The following RXFP1 variants were observed in gnomAD, a reference collection of about 807,000 sequenced individuals.
RXFP1 encodes the protein relaxin receptor 1.
RXFP1 carries 73 observed loss-of-function variants against 89.8 expected under a neutral mutation model. The ratio of observed to expected loss-of-function variants is 0.81; its 90% confidence interval spans 0.67 to 0.99. The LOEUF is 0.99. RXFP1 is among the 50% of genes least tolerant of loss of function. RXFP1 has a pLI of 0.00. For missense variants in RXFP1, 793 were observed against 895.5 expected, an observed-to-expected ratio of 0.89 and a Z score of 1.46; for synonymous variants, 277 against 305.5, an observed-to-expected ratio of 0.91 and a Z score of 0.97.
chr4:158,607,999 C>A lies in RXFP1; in HGVS notation c.492C>A (p.Ser164=). 6.2e-7 allele frequency: 1 copy of A among 1,607,846 alleles called. No individual in the cohort carries two copies. The highest frequency in any genetic ancestry group is 8.5e-7 in the Non-Finnish European group (1 of 1,175,602). Residue 164 remains serine, a synonymous_variant, in exon 6 of 18, where the codon TCC becomes TCA. Transcript: ENST00000307765. The part of the protein sequence containing the change: ...KLYLQNNKIT[S]ISIYAFRGLN... ...ACCTGCAAAACAATAAGATTACATC[C>A]ATCTCCATCTATGCTTTCAGAGGAC...
intron 1 of RXFP1, among the ~76,000 whole-genome samples, chr4:158,533,629 A>ACC (rs1432733960): frequency 1.3e-5 from 2 of 152,156 alleles, no homozygotes; most frequent in Admixed American, 1.3e-4. Context: ...GGGTTAGTCT[A>ACC]TCTTCATTTG....
intron 1 of RXFP1, among the ~76,000 whole-genome samples, chr4:158,524,330 C>T (rs779015958): frequency 6.6e-6 from 1 of 152,142 alleles, no homozygotes; most frequent in Non-Finnish European, 1.5e-5. Flanking sequence ...CCGTTACAGA[C>T]GTAAGCAACT....
intron 8 of RXFP1, 59 bp downstream of exon 8, chr4:158,612,421 A>G: frequency 8.1e-7 from 1 of 1,240,310 alleles, no homozygotes; most frequent in Non-Finnish European, 1.1e-6. Flanking sequence ...ATAAAAATTA[A>G]TGCTTAAATT....
chr4:158,574,021 A>G (rs572374737), intron 2 of RXFP1, among the ~76,000 whole-genome samples: 1 of 152,374 alleles, frequency 6.6e-6, no homozygotes, highest in Non-Finnish European at 1.5e-5. Flanking sequence ...GCCAGTAAGT[A>G]GGGCTTCTGG....
At chr4:158,563,332 T>A (rs1228479779) in intron 1 of RXFP1, among the ~76,000 whole-genome samples, 1 of 152,088 alleles carries the variant, frequency 6.6e-6, no homozygotes, top group East Asian at 1.9e-4. Context: ...TGTTAAAAGA[T>A]AATTTAAAAA....
intron 2 of RXFP1, among the ~76,000 whole-genome samples, chr4:158,585,678 A>T (rs1758157766): frequency 6.6e-6 from 1 of 151,852 alleles, no homozygotes; most frequent in South Asian, 2.1e-4. Context: ...ATGATAAAAG[A>T]AAAAAAAAGA....
chr4:158,525,395 G>A (rs1436363024), intron 1 of RXFP1, among the ~76,000 whole-genome samples: 1 of 152,064 alleles, frequency 6.6e-6, no homozygotes, highest in African/African-American at 2.4e-5. Context: ...ATTTTGTGTT[G>A]TTTTTACTAC....
chr4:158,612,432 T>C (rs1763749281), intron 8 of RXFP1, 70 bp downstream of exon 8: 1 of 1,109,070 alleles, frequency 9.0e-7, no homozygotes, highest in Non-Finnish European at 1.3e-6. Context: ...TGCTTAAATT[T>C]AATACCATTA....
In RXFP1 at chr4:158,634,256, T is replaced by C. The variant is rs187361437; in HGVS notation, c.971+780T>C. Among the ~76,000 whole-genome samples the C allele has an allele frequency of 3.3e-5, 5 of 152,320 alleles. No individual in the cohort carries two copies. In the East Asian group the frequency reaches 9.6e-4, roughly 29 times the overall value. ...GGTATCTCACTGTGATTTTGTTTTG[T>C]GATTCCCAGTGATTAGTGATGTTGA... On this transcript the variant is annotated intron_variant, in intron 12 of 17. Transcript: ENST00000307765.
chr4:158,563,061 G>A (rs1178413717), intron 1 of RXFP1, among the ~76,000 whole-genome samples: 1 of 152,186 alleles, frequency 6.6e-6, no homozygotes, highest in African/African-American at 2.4e-5. Flanking sequence ...GGCGCATGTA[G>A]CCTATCCATC....
At chr4:158,568,544 C>T (rs895565119) in intron 1 of RXFP1, among the ~76,000 whole-genome samples, 2 of 152,148 alleles carry the variant, frequency 1.3e-5, no homozygotes, top group African/African-American at 4.8e-5. Context: ...AGTCTCAACA[C>T]AGATTGGTTT....
Position 158,572,830 on chromosome 4 carries a change from A to G in RXFP1, c.182A>G (p.Asn61Ser), listed in dbSNP as rs1755372197. The G allele has an allele frequency of 6.2e-7, 1 of 1,614,202 alleles. No individual in the cohort carries two copies. Among genetic ancestry groups the G allele is most frequent in the Admixed American group, 1.7e-5 (1 of 60,028 alleles). ...DDCGNQADED[N>S]CGDNNGWSLQ... is the part of the protein sequence containing the mutation. ...TGCGGGAATCAGGCCGATGAGGACA[A>G]CTGTGGTGAGTGAAGCCCCTGCAGT... The change falls in exon 2 of 18, where the codon AAC becomes AGC. Residue 61 changes from asparagine (N) to serine (S), a missense_variant. Physicochemically the swap from Asn to Ser is conservative, Grantham distance 46. Transcript: ENST00000307765.
chr4:158,568,456 G>T (rs965061135), intron 1 of RXFP1, among the ~76,000 whole-genome samples: 1 of 152,210 alleles, frequency 6.6e-6, no homozygotes, highest in Non-Finnish European at 1.5e-5. Context: ...GTAGCTGGAG[G>T]CTAATTCATT....
chr4:158,623,502 CAAAAAAAAAAAA>C (rs56692438), intron 9 of RXFP1, among the ~76,000 whole-genome samples: 9 of 42,604 alleles, frequency 2.1e-4, no homozygotes, highest in African/African-American at 3.5e-4. Context: ...AACTCCATCT[CAAAAAAAAAAAA>C]AAAAAAAAAA....
chr4:158,582,437 T>A (rs1357262845), intron 2 of RXFP1, among the ~76,000 whole-genome samples: 1 of 152,082 alleles, frequency 6.6e-6, no homozygotes, highest in Non-Finnish European at 1.5e-5. Flanking sequence ...GATGGCAGCA[T>A]CCCCTCAGAT....
At chr4:158,646,386 C>T (rs1394613141) in intron 15 of RXFP1, 43 of 760,636 alleles carry the variant, frequency 5.7e-5, no homozygotes, top group Non-Finnish European at 6.9e-5. Flanking sequence ...GAGCTTGTTG[C>T]GTTGGGAGAA....
intron 11 of RXFP1, 68 bp from the exon 12 acceptor site, chr4:158,633,337 A>T: frequency 9.8e-7 from 1 of 1,022,858 alleles, no homozygotes; most frequent in South Asian, 1.3e-5. Context: ...GTGGTTTCCT[A>T]ATGAATTTCA....
intron 1 of RXFP1, among the ~76,000 whole-genome samples, chr4:158,525,569 G>A (rs923115066): frequency 1.8e-4 from 27 of 152,152 alleles, no homozygotes; most frequent in African/African-American, 6.0e-4. Context: ...AAAATGCCTG[G>A]AGTTGAGTAT....
intron 1 of RXFP1, among the ~76,000 whole-genome samples, chr4:158,565,524 A>G (rs905274008): frequency 6.6e-6 from 1 of 152,192 alleles, no homozygotes; most frequent in Non-Finnish European, 1.5e-5. Context: ...TTACAGGGCT[A>G]TAGCAGGGAA....
Sources: allele counts gnomAD v4.1 joint callset (sites outside exome capture counted in the v4.1 genomes callset), GRCh38; gene constraint gnomAD v4.1.1; transcripts MANE v1.5; gene names NCBI Gene and HGNC (gene_info 2026-07-23, HGNC 2026-07-21).